The following CDH17 variants were observed in gnomAD, a reference collection of about 807,000 sequenced individuals.
The protein encoded by CDH17 is cadherin-17.
A neutral mutation model predicts 86.3 loss-of-function variants in CDH17; 67 were observed. That is an observed-to-expected ratio of 0.78 (90% CI 0.64 to 0.95). The LOEUF (loss-of-function observed/expected upper bound fraction) is 0.95, where lower values mean the gene tolerates loss of function less well. Among genes scored for constraint, CDH17 ranks in the 40% least tolerant of loss-of-function variants. The pLI is 0.00. For missense variants in CDH17, 993 were observed against 1,017.6 expected (o/e 0.98, Z 0.33); for synonymous variants, 367 against 366.4 (o/e 1.00, Z -0.02).
chr8:94,145,582 C>A (rs1281703090), intron 15 of CDH17, among the ~76,000 whole-genome samples: 1 of 152,086 alleles, frequency 6.6e-6, no homozygotes, highest in Non-Finnish European at 1.5e-5. Flanking sequence ...GTAATCAATT[C>A]TCATAAAATT....
In CDH17 at chr8:94,130,790, C is replaced by T. The variant is rs531694199; in HGVS notation, c.2285-51G>A. 3.9e-6 allele frequency: 6 copies of T among 1,528,284 alleles called. No homozygotes were observed. In the African/African-American group the frequency reaches 6.8e-5, roughly 17 times the overall value. The allele number at this position is 1,528,284 out of a possible 1,614,324, so 94.7% of individuals were successfully genotyped here. A position where few individuals can be genotyped will look rare whatever the true frequency, so the allele number is the denominator to read the frequency against. On this transcript the variant is annotated intron_variant, in intron 16 of 17. Transcript: ENST00000027335. ...GGATAAATTCTCAAGTGAATAGTTGCAGAATCCCATATCAAAGACAAGAAT... is the reference window on the plus strand; with the variant it reads ...GGATAAATTCTCAAGTGAATAGTTGTAGAATCCCATATCAAAGACAAGAAT...
chr8:94,173,304 G>A (rs758907951), intron 7 of CDH17, among the ~76,000 whole-genome samples: 40 of 152,190 alleles, frequency 2.6e-4, no homozygotes, highest in Non-Finnish European at 5.1e-4. Flanking sequence ...GTGAATGGCT[G>A]AGCACCACGC....
At chr8:94,172,600 A>C (rs1038693361) in intron 7 of CDH17, among the ~76,000 whole-genome samples, 4 of 152,208 alleles carry the variant, frequency 2.6e-5, no homozygotes, top group African/African-American at 9.7e-5. Context: ...GGCTCAGAAT[A>C]GTTAAATGAC....
chr8:94,207,133 G>C (rs1294740950), intron 1 of CDH17, among the ~76,000 whole-genome samples: 1 of 152,050 alleles, frequency 6.6e-6, no homozygotes, highest in Non-Finnish European at 1.5e-5. Context: ...AAAACCAATA[G>C]TTTTATTATT....
intron 12 of CDH17, among the ~76,000 whole-genome samples, chr8:94,158,424 A>C (rs1017954112): frequency 1.3e-5 from 2 of 152,156 alleles, no homozygotes; most frequent in Non-Finnish European, 2.9e-5. Context: ...CAAATGGCCA[A>C]GTTAAACTGC....
Position 94,174,102 on chromosome 8 carries a change from C to A in CDH17, c.583G>T (p.Gly195Ter), listed in dbSNP as rs1477411960. 1 of 1,613,422 alleles carries A rather than the reference C, an allele frequency of 6.2e-7. No homozygotes were observed. The highest frequency in any genetic ancestry group is 1.7e-5 in the Admixed American group (1 of 60,000). Residue 195 changes from glycine to a stop codon, truncating the protein, a stop_gained and splice_region_variant, in exon 6 of 18, where the codon GGA becomes TGA. Coordinates refer to ENST00000027335, the MANE Select transcript of CDH17 (RefSeq NM_004063.4). LOFTEE classifies it high-confidence loss of function. ...CCTACCAGGGCACCCCTGAACTTAC[C>A]CTCTCGGGTAAGAGAGATGGCTCCC... ...KTGAISLTREGSQELNPAKNP... is the reference protein window; with the variant it reads ...KTGAISLTRE
At chr8:94,176,040 C>A (rs984672991) in intron 5 of CDH17, among the ~76,000 whole-genome samples, 5 of 152,056 alleles carry the variant, frequency 3.3e-5, no homozygotes, top group African/African-American at 1.2e-4. Flanking sequence ...AGGCATGCAC[C>A]ACCACACCTG....
At chr8:94,128,672 T>G (rs1328542480) in intron 17 of CDH17, among the ~76,000 whole-genome samples, 2 of 152,198 alleles carry the variant, frequency 1.3e-5, no homozygotes, top group African/African-American at 2.4e-5. Context: ...TATAAGCACC[T>G]GACAAAGTTC....
At chr8:94,213,218 T>A (rs1016384009), upstream of CDH17, among the ~76,000 whole-genome samples, 1 of 152,224 alleles carries the variant, frequency 6.6e-6, no homozygotes, top group Non-Finnish European at 1.5e-5. Context: ...GTGATTCTCC[T>A]GCCTCGGTCT....
chr8:94,196,128 T>A (rs1813782888), intron 1 of CDH17, among the ~76,000 whole-genome samples: 1 of 152,208 alleles, frequency 6.6e-6, no homozygotes, highest in South Asian at 2.1e-4. Context: ...CTCTAGAGAT[T>A]AGGAATAATC....
intron 10 of CDH17, among the ~76,000 whole-genome samples, chr8:94,162,890 A>G (rs940342271): frequency 1.3e-5 from 2 of 152,174 alleles, no homozygotes; most frequent in Non-Finnish European, 2.9e-5. Flanking sequence ...AGATAAAATG[A>G]CAGGTTCTTT....
intron 3 of CDH17, among the ~76,000 whole-genome samples, chr8:94,188,676 C>T (rs1315881524): frequency 6.6e-6 from 1 of 152,196 alleles, no homozygotes; most frequent in Admixed American, 6.5e-5. Context: ...TGATACTGTT[C>T]ATGGTTATCT....
chr8:94,209,804 C>A (rs1814091872), upstream of CDH17, among the ~76,000 whole-genome samples: 1 of 152,154 alleles, frequency 6.6e-6, no homozygotes, highest in Admixed American at 6.5e-5. Flanking sequence ...CTTCCACTTG[C>A]CACATGTTTC....
At chr8:94,161,830 T>G (rs1813058411) in intron 11 of CDH17, among the ~76,000 whole-genome samples, 1 of 152,202 alleles carries the variant, frequency 6.6e-6, no homozygotes, top group Non-Finnish European at 1.5e-5. Context: ...GTGGTTGTTG[T>G]TTTTAAGCAG....
intron 1 of CDH17, among the ~76,000 whole-genome samples, chr8:94,195,486 AC>A (rs1813765830): frequency 6.6e-6 from 1 of 152,216 alleles, no homozygotes; most frequent in African/African-American, 2.4e-5. Flanking sequence ...TATTGTCATT[AC>A]CTACACAATA....
intron 1 of CDH17, among the ~76,000 whole-genome samples, chr8:94,204,875 G>T (rs1175120994): frequency 2.6e-5 from 4 of 152,192 alleles, no homozygotes; most frequent in Non-Finnish European, 5.9e-5. Context: ...GGCCAGAGCA[G>T]TCACAGGAAA....
intron 5 of CDH17, among the ~76,000 whole-genome samples, 167 bp from the exon 6 acceptor site, chr8:94,174,427 A>G (rs137887647): frequency 5.6e-4 from 85 of 152,302 alleles, no homozygotes; most frequent in Non-Finnish European, 1.1e-3. Flanking sequence ...CCTTCCCTAA[A>G]ATAAGGTTTC....
chr8:94,212,003 T>C (rs1393429542), upstream of CDH17, among the ~76,000 whole-genome samples: 1 of 152,234 alleles, frequency 6.6e-6, no homozygotes, highest in Non-Finnish European at 1.5e-5. Context: ...ACAGTTTTTG[T>C]TCCACATTTA....
intron 3 of CDH17, among the ~76,000 whole-genome samples, chr8:94,188,110 C>A (rs754241743): frequency 6.6e-6 from 1 of 152,048 alleles, no homozygotes; most frequent in Non-Finnish European, 1.5e-5. Context: ...CCTGGACCCA[C>A]GCAGATACCA....
Sources: gnomAD v4.1 joint callset for allele counts (sites outside exome capture counted in the v4.1 genomes callset) on GRCh38, gnomAD v4.1.1 for gene constraint, MANE v1.5 for transcripts, NCBI Gene and HGNC (gene_info 2026-07-23, HGNC 2026-07-21) for gene names.